The following ARHGEF7 variants were observed in gnomAD, a reference collection of about 807,000 sequenced individuals.
The protein encoded by ARHGEF7 is Rho guanine nucleotide exchange factor 7, also known as PAK-interacting exchange factor beta.
A neutral mutation model predicts 109.8 loss-of-function variants in ARHGEF7; 33 were observed. The ratio of observed to expected loss-of-function variants is 0.30; its 90% CI spans 0.23 to 0.40. The LOEUF is 0.40. ARHGEF7 is among the 10% of genes least tolerant of loss of function. The pLI is 1.00. For synonymous variants in ARHGEF7, 458 were observed against 424.6 expected, an observed-to-expected ratio of 1.08 and a Z score of -0.97; for missense variants, 938 against 1,098.5, an observed-to-expected ratio of 0.85 and a Z score of 2.07.
chr13:111,265,987 T>C (rs2091598623), intron 8 of ARHGEF7, among the ~76,000 whole-genome samples: 1 of 152,208 alleles, frequency 6.6e-6, no homozygotes, highest in Admixed American at 6.5e-5. Flanking sequence ...GCAGAAGCAG[T>C]GTCCCCATGA....
At chr13:111,117,812 T>A (rs1326612108) in intron 1 of ARHGEF7, among the ~76,000 whole-genome samples, 1 of 152,186 alleles carries the variant, frequency 6.6e-6, no homozygotes, top group Non-Finnish European at 1.5e-5. Flanking sequence ...TTGTCCCATC[T>A]AGGCCTCCCA....
rs539018553 is a variant in ARHGEF7 at position 111,244,943 on chromosome 13, T to C, written c.950+649T>C. ...CTGCATCCTGCTGGTTGTGGAAGCGTTTTCCCTGCAAAAAGTTGTCGAGAT... is the reference window on the plus strand; with the variant it reads ...CTGCATCCTGCTGGTTGTGGAAGCGCTTTCCCTGCAAAAAGTTGTCGAGAT... On this transcript the variant is annotated intron_variant, in intron 8 of 21. Transcript: ENST00000646102. 5.9e-5 allele frequency among the ~76,000 whole-genome samples: 9 copies of C among 152,260 alleles called. No homozygotes were observed. In the East Asian group the frequency reaches 1.2e-3, roughly 20 times the overall value.
chr13:111,264,719 C>T (rs1026203582), intron 8 of ARHGEF7, among the ~76,000 whole-genome samples: 1 of 152,182 alleles, frequency 6.6e-6, no homozygotes, highest in Non-Finnish European at 1.5e-5. Flanking sequence ...CCTTTTTTTA[C>T]ACAGCACAGG....
Position 111,233,880 on chromosome 13 carries a change from A to G in ARHGEF7, c.759+587A>G, listed in dbSNP as rs1330504486. On this transcript the variant is annotated intron_variant, in intron 6 of 21. Coordinates refer to ENST00000646102, the MANE Select transcript of ARHGEF7 (RefSeq NM_001354046.2). ...AGTCTAATGCTATTAAATCAAATGT[A>G]TAGTCTCATGGTACTAAATCTGTGT... Among the ~76,000 whole-genome samples the G allele has an allele frequency of 2.6e-5, 4 of 152,236 alleles. No homozygotes were observed. In the East Asian group the frequency reaches 7.7e-4, roughly 29 times the overall value.
At chr13:111,262,278 T>C (rs891420165) in intron 8 of ARHGEF7, among the ~76,000 whole-genome samples, 1 of 152,220 alleles carries the variant, frequency 6.6e-6, no homozygotes, top group Non-Finnish European at 1.5e-5. Context: ...CTGCAGAAAT[T>C]CAGACTCACT....
At chr13:111,290,803 C>T (rs1326830021) in intron 18 of ARHGEF7, among the ~76,000 whole-genome samples, 1 of 152,174 alleles carries the variant, frequency 6.6e-6, no homozygotes, top group African/African-American at 2.4e-5. Context: ...GTCATATATG[C>T]CCTTTAAACC....
At chr13:111,139,934 G>A (rs974251379) in intron 1 of ARHGEF7, among the ~76,000 whole-genome samples, 16 of 152,252 alleles carry the variant, frequency 1.1e-4, no homozygotes, top group Non-Finnish European at 1.8e-4. Context: ...GTAAAACTAA[G>A]ACAATCTTTC....
At chr13:111,254,559 G>A (rs111639538) in intron 8 of ARHGEF7, among the ~76,000 whole-genome samples, 3 of 149,644 alleles carry the variant, frequency 2.0e-5, no homozygotes, top group East Asian at 2.0e-4. Flanking sequence ...GGGCTAAGGC[G>A]CTGAGTCACT....
intron 5 of ARHGEF7, among the ~76,000 whole-genome samples, chr13:111,221,197 A>C (rs188897495): frequency 0.058 from 3,853 of 66,702 alleles, 390 homozygotes; most frequent in South Asian, 0.1. Flanking sequence ...GTCTATATAT[A>C]TCTATATAGA....
intron 12 of ARHGEF7, among the ~76,000 whole-genome samples, chr13:111,276,462 CA>C (rs1342008864): frequency 1.3e-5 from 2 of 152,182 alleles, no homozygotes; most frequent in Non-Finnish European, 2.9e-5. Flanking sequence ...ATAAAAACTT[CA>C]CATCTTTTCA....
At chr13:111,170,304 G>A (rs1291062520) in intron 2 of ARHGEF7, among the ~76,000 whole-genome samples, 1 of 152,310 alleles carries the variant, frequency 6.6e-6, no homozygotes, top group African/African-American at 2.4e-5. Flanking sequence ...TGCCATGTTG[G>A]CCAGGCTGGT....
intron 18 of ARHGEF7, among the ~76,000 whole-genome samples, chr13:111,289,032 C>G (rs1430226512): frequency 1.4e-5 from 2 of 147,608 alleles, no homozygotes; most frequent in South Asian, 4.3e-4. Context: ...ATTAAGGTGG[C>G]TTTTTTTTTT....
At position 111,304,005 on chromosome 13, in the gene ARHGEF7, C is replaced by T. The variant is rs2153639248; in HGVS notation, c.*892C>T. Reference sequence around the variant, plus strand: ...ATAGAATGTATTATTTATTATAAGTCACTGCAGCTGATGAAAACAGATGGA... The same window carrying T: ...ATAGAATGTATTATTTATTATAAGTTACTGCAGCTGATGAAAACAGATGGA... On this transcript the variant is annotated 3_prime_UTR_variant, in exon 22 of 22. Coordinates refer to ENST00000646102, the MANE Select transcript of ARHGEF7 (RefSeq NM_001354046.2). 1 of 152,302 alleles carries T rather than the reference C, an allele frequency of 6.6e-6. No homozygotes were observed. Among genetic ancestry groups the T allele is most frequent in the East Asian group, 1.9e-4 (1 of 5,186 alleles). The allele number at this position is 152,302 out of a possible 1,614,324, so 9.4% of individuals were successfully genotyped here.
intron 2 of ARHGEF7, among the ~76,000 whole-genome samples, chr13:111,193,340 G>C (rs970828256): frequency 3.3e-5 from 5 of 152,156 alleles, no homozygotes; most frequent in Non-Finnish European, 5.9e-5. Flanking sequence ...GGTTCCTCCT[G>C]GCAGCAATTT....
Position 111,262,361 on chromosome 13 carries a change from CT to C in ARHGEF7, c.951-5186del, listed in dbSNP as rs563565960. 3.0e-3 allele frequency among the ~76,000 whole-genome samples: 460 copies of C among 152,214 alleles called. 1 individual carries two copies. Among genetic ancestry groups the C allele is most frequent in the South Asian group, 0.011 (54 of 4,830 alleles). The stretch of plus-strand genomic sequence containing the variant: ...AGCTTTGGTAGTCAACAAGAGAGAC[CT>C]GCCAGAGGTCATGTGGTTACAGGGG... On this transcript the variant is annotated intron_variant, in intron 8 of 21. Transcript: ENST00000646102.
chr13:111,253,057 G>C (rs944017770), intron 8 of ARHGEF7, among the ~76,000 whole-genome samples: 2 of 152,268 alleles, frequency 1.3e-5, no homozygotes, highest in East Asian at 3.8e-4. Context: ...TCTCCTGTTG[G>C]GGGCAGGGCC....
intron 1 of ARHGEF7, among the ~76,000 whole-genome samples, chr13:111,126,573 C>T (rs1033191049): frequency 6.6e-6 from 1 of 151,836 alleles, no homozygotes; most frequent in Non-Finnish European, 1.5e-5. Flanking sequence ...CCAGAAAGTG[C>T]CCTAGAAGCC....
At chr13:111,154,665 A>AT (rs1312752722) in intron 2 of ARHGEF7, among the ~76,000 whole-genome samples, 1 of 152,172 alleles carries the variant, frequency 6.6e-6, no homozygotes, top group Non-Finnish European at 1.5e-5. Context: ...TTTACTAAAC[A>AT]TTGTCTTTTC....
chr13:111,248,153 T>G (rs2089211190), intron 8 of ARHGEF7, among the ~76,000 whole-genome samples: 1 of 152,194 alleles, frequency 6.6e-6, no homozygotes, highest in South Asian at 2.1e-4. Context: ...AGATTTTTTT[T>G]TTTCCCATGG....
Sources: gnomAD v4.1 joint callset for allele counts (sites outside exome capture counted in the v4.1 genomes callset) on GRCh38, gnomAD v4.1.1 for gene constraint, MANE v1.5 for transcripts, NCBI Gene and HGNC (gene_info 2026-07-23, HGNC 2026-07-21) for gene names.